SRRM4: variants seen among roughly 807,000 people sequenced by gnomAD.
The protein encoded by SRRM4 is serine/arginine repetitive matrix 4.
SRRM4 carries 33 observed loss-of-function variants against 68.9 expected under a neutral mutation model. That is an observed-to-expected ratio of 0.48 (90% CI 0.36 to 0.64). SRRM4 has a LOEUF of 0.64. Ranked by LOEUF, SRRM4 falls within the 30% of genes least tolerant of loss-of-function variation. SRRM4 has a pLI of 0.00. For synonymous variants in SRRM4, 318 were observed against 318.8 expected, an observed-to-expected ratio of 1.00 and a Z score of 0.03; for missense variants, 817 against 827.1, an observed-to-expected ratio of 0.99 and a Z score of 0.15.
chr12:119,058,758 G>C (rs79198804), intron 1 of SRRM4, among the ~76,000 whole-genome samples: 9 of 152,216 alleles, frequency 5.9e-5, no homozygotes, highest in Non-Finnish European at 1.0e-4. Flanking sequence ...ACACACTCCA[G>C]CTCCATTCCC....
At chr12:119,115,357 C>A (rs901500503) in intron 3 of SRRM4, among the ~76,000 whole-genome samples, 2 of 152,290 alleles carry the variant, frequency 1.3e-5, no homozygotes, top group African/African-American at 4.8e-5. Context: ...TGCTTGTAGG[C>A]TGCCACTAAC....
chr12:119,154,311 G>T lies in SRRM4; in HGVS notation c.1460G>T (p.Arg487Leu). Residue 487 changes from arginine to leucine, a missense_variant, in exon 12 of 13, where the codon CGT becomes CTT. By Grantham distance (102) the Arg-to-Leu change is moderately radical (BLOSUM62 -2). Transcript: ENST00000267260. This position sits in a 1 kb window ranked among gnomAD's most constrained non-coding sequence, Gnocchi z 4.7. The stretch of plus-strand genomic sequence containing the variant: ...GAGCGCGAGCGAGCGCGTCGGAGAC[G>T]TCGGTCCTACTCGCCTATGAGAAAG... ...QRERERARRR[R>L]RSYSPMRKRR... is the part of the protein sequence containing the mutation. 2 of 1,612,588 alleles carry T rather than the reference G, an allele frequency of 1.2e-6. No homozygotes were observed. Among genetic ancestry groups the T allele is most frequent in the Non-Finnish European group, 1.7e-6 (2 of 1,179,494 alleles).
At position 118,981,758 on chromosome 12, in the gene SRRM4, T is replaced by A; in HGVS notation, c.-125T>A. 2.9e-6 allele frequency: 3 copies of A among 1,039,008 alleles called. No homozygotes were observed. Among genetic ancestry groups the A allele is most frequent in the Non-Finnish European group, 4.1e-6 (3 of 738,994 alleles). The allele number at this position is 1,039,008 out of a possible 1,614,324, so 64.4% of individuals were successfully genotyped here. A position where few individuals can be genotyped will look rare whatever the true frequency, so the allele number is the denominator to read the frequency against. ...ATCCCCCGCCCTGAACTCCGATCTCTCCCACCCCACCCCTCTCTGGGTTTC... is the reference window on the plus strand; with the variant it reads ...ATCCCCCGCCCTGAACTCCGATCTCACCCACCCCACCCCTCTCTGGGTTTC... On this transcript the variant is annotated 5_prime_UTR_variant, in exon 1 of 13. Transcript: ENST00000267260.
At chr12:119,135,588 T>G (rs1238451697) in intron 8 of SRRM4, among the ~76,000 whole-genome samples, 1 of 152,176 alleles carries the variant, frequency 6.6e-6, no homozygotes, top group Non-Finnish European at 1.5e-5. Flanking sequence ...CAATAACTAA[T>G]GCCTGTTGAG....
chr12:119,104,954 T>A (rs1266115870), intron 2 of SRRM4, among the ~76,000 whole-genome samples: 3 of 145,936 alleles, frequency 2.1e-5, no homozygotes, highest in Admixed American at 6.8e-5. Flanking sequence ...TATCTCCTAA[T>A]GCAATCCCTC....
At chr12:119,065,038 A>G (rs1953837028) in intron 1 of SRRM4, among the ~76,000 whole-genome samples, 1 of 152,180 alleles carries the variant, frequency 6.6e-6, no homozygotes, top group South Asian at 2.1e-4. Flanking sequence ...CTTTATATAT[A>G]TTATGTATTA....
At chr12:119,020,028 A>C (rs1953505801) in intron 1 of SRRM4, among the ~76,000 whole-genome samples, 1 of 142,608 alleles carries the variant, frequency 7.0e-6, no homozygotes, top group Non-Finnish European at 1.5e-5. Flanking sequence ...CTTTGTATGA[A>C]TTAGGGAAGA....
intron 6 of SRRM4, among the ~76,000 whole-genome samples, chr12:119,123,963 C>T (rs761406647): frequency 5.9e-5 from 9 of 152,126 alleles, no homozygotes; most frequent in Non-Finnish European, 1.2e-4. Flanking sequence ...GGTGGCCTCC[C>T]GCAGGAGGCA....
Position 118,981,887 on chromosome 12 carries a change from C to A in SRRM4, c.5C>A (p.Ala2Glu), listed in dbSNP as rs755894493. M[A>E]SVQQGEKQLF... is the part of the protein sequence containing the mutation. ...CCCGGCCCCTTTGGGTTGGCGATGG[C>A]GAGCGTTCAGCAAGGCGAGAAGCAG... Residue 2 changes from alanine to glutamate, a missense_variant, in exon 1 of 13, where the codon GCG (alanine) becomes GAG (glutamate). Physicochemically the swap from Ala to Glu is moderately radical, Grantham distance 107. Coordinates refer to ENST00000267260, the MANE Select transcript of SRRM4 (RefSeq NM_194286.4). 1.9e-6 allele frequency: 3 copies of A among 1,613,332 alleles called. No individual in the cohort carries two copies. The South Asian group carries it at 3.3e-5, about 18-fold the overall frequency.
chr12:118,981,775 C>A lies in SRRM4; in HGVS notation c.-108C>A. ...CCGATCTCTCCCACCCCACCCCTCTCTGGGTTTCACCCGGACAGAGCCGGG... is the reference window on the plus strand; with the variant it reads ...CCGATCTCTCCCACCCCACCCCTCTATGGGTTTCACCCGGACAGAGCCGGG... On this transcript the variant is annotated 5_prime_UTR_variant, in exon 1 of 13. The change creates a new upstream start codon in the 5' untranslated region. Coordinates refer to ENST00000267260, the MANE Select transcript of SRRM4 (RefSeq NM_194286.4). 1 of 1,318,482 alleles carries A rather than the reference C, an allele frequency of 7.6e-7. No homozygotes were observed. The highest frequency in any genetic ancestry group is 1.0e-6 in the Non-Finnish European group (1 of 974,678). The allele number at this position is 1,318,482 out of a possible 1,614,324, so 81.7% of individuals were successfully genotyped here. A position where few individuals can be genotyped will look rare whatever the true frequency, so the allele number is the denominator to read the frequency against.
At chr12:119,062,783 T>G (rs1053901527) in intron 1 of SRRM4, among the ~76,000 whole-genome samples, 2 of 152,224 alleles carry the variant, frequency 1.3e-5, no homozygotes, top group Non-Finnish European at 2.9e-5. Context: ...ACCGAAAGAC[T>G]GTTATGCAGT....
rs1954082835 is a variant in SRRM4, at chr12:119,102,349, C to A, written c.245C>A (p.Thr82Asn). 2 of 1,613,142 alleles carry A rather than the reference C, an allele frequency of 1.2e-6. No individual in the cohort carries two copies. Among genetic ancestry groups the A allele is most frequent in the South Asian group, 2.2e-5 (2 of 90,960 alleles). Residue 82 changes from threonine (T) to asparagine (N), a missense_variant, in exon 2 of 13, where the codon ACC becomes AAC. Coordinates refer to ENST00000267260, the MANE Select transcript of SRRM4 (RefSeq NM_194286.4). ...LGTNSWERDK[T>N]CRELGATRGH... ...ACCAACAGTTGGGAGAGAGACAAGA[C>A]CTGTCGGGAACTGGGTGCCACCAGA... is the stretch of plus-strand genomic sequence containing the variant.
intron 1 of SRRM4, among the ~76,000 whole-genome samples, chr12:119,027,931 C>T (rs768229333): frequency 9.2e-5 from 14 of 152,236 alleles, no homozygotes; most frequent in Non-Finnish European, 1.6e-4. Context: ...AAGACAGCAT[C>T]AACCCGAGTG....
intron 1 of SRRM4, among the ~76,000 whole-genome samples, chr12:119,020,613 C>G (rs767310235): frequency 2.6e-5 from 4 of 151,990 alleles, no homozygotes; most frequent in Non-Finnish European, 4.4e-5. Flanking sequence ...GAGCTGGTGG[C>G]GTTGAAAAGG....
At chr12:119,112,928 T>G (rs973569786) in intron 2 of SRRM4, among the ~76,000 whole-genome samples, 5 of 151,974 alleles carry the variant, frequency 3.3e-5, no homozygotes, top group Admixed American at 3.3e-4. Context: ...GTAACAAACC[T>G]GCACATCCTG....
rs1565898630 is a variant in SRRM4 at position 119,055,087 on chromosome 12, GAGA to G, written c.132-47144_132-47142del. On this transcript the variant is annotated intron_variant, in intron 1 of 12. Coordinates refer to ENST00000267260, the MANE Select transcript of SRRM4 (RefSeq NM_194286.4). ...AAGTAGAGAAGGGGCTTGTCCCTCAGAGAAGAATCTGCTGCTCATCATAACAAG... is the reference window on the plus strand; with the variant it reads ...AAGTAGAGAAGGGGCTTGTCCCTCAGAGAATCTGCTGCTCATCATAACAAG... Among the ~76,000 whole-genome samples, 2 of 152,180 alleles carry G rather than the reference GAGA, an allele frequency of 1.3e-5. 1 individual carries two copies. The highest frequency in any genetic ancestry group is 2.9e-5 in the Non-Finnish European group (2 of 68,028).
chr12:119,039,054 G>T (rs1201967810), intron 1 of SRRM4, among the ~76,000 whole-genome samples: 3 of 152,326 alleles, frequency 2.0e-5, no homozygotes, highest in East Asian at 3.9e-4. Context: ...AAGAAAATCT[G>T]GGATGGGACT....
intron 8 of SRRM4, among the ~76,000 whole-genome samples, chr12:119,142,637 G>C (rs1340689677): frequency 6.6e-6 from 1 of 151,906 alleles, no homozygotes; most frequent in Non-Finnish European, 1.5e-5. Context: ...GAAAATTATT[G>C]TACTCACAGG....
chr12:119,066,083 T>C (rs950202476), intron 1 of SRRM4, among the ~76,000 whole-genome samples: 1 of 152,244 alleles, frequency 6.6e-6, no homozygotes, highest in African/African-American at 2.4e-5. Context: ...CAATATTAGC[T>C]ACTTGTCACT....
Sources: gnomAD v4.1 joint callset for allele counts (sites outside exome capture counted in the v4.1 genomes callset) on GRCh38, gnomAD v4.1.1 for gene constraint, Gnocchi (gnomAD v3.1) non-coding constraint, MANE v1.5 for transcripts, NCBI Gene and HGNC (gene_info 2026-07-23, HGNC 2026-07-21) for gene names.